CHD9: variants seen among roughly 807,000 people sequenced by gnomAD.
The protein encoded by CHD9 is ATP-dependent chromatin remodeler CHD9.
In CHD9, 77 loss-of-function variants were observed where a neutral mutation model predicts 316.1. The ratio of observed to expected loss-of-function variants is 0.24; its 90% confidence interval spans 0.20 to 0.29. The LOEUF (loss-of-function observed/expected upper bound fraction) is 0.29. Among genes scored for constraint, CHD9 ranks in the 10% least tolerant of loss-of-function variants. CHD9 has a pLI of 1.00. For synonymous variants in CHD9, 1,129 were observed against 1,158.3 expected (o/e 0.97, Z 0.51); for missense variants, 2,763 against 3,438.1 (o/e 0.80, Z 4.91).
chr16:53,156,506 T>G lies in CHD9; in HGVS notation c.417T>G (p.Ser139=). 1 of 1,613,980 alleles carries G rather than the reference T, an allele frequency of 6.2e-7. No individual in the cohort carries two copies. Among genetic ancestry groups the G allele is most frequent in the Non-Finnish European group, 8.5e-7 (1 of 1,179,888 alleles). Residue 139 remains serine (S), a synonymous_variant, in exon 2 of 39, where the codon TCT becomes TCG. Transcript: ENST00000447540. The part of the protein sequence containing the change: ...TATTISNQNG[S]PFHQQGHSHS... ...CTACCATTTCAAATCAAAATGGATC[T>G]CCTTTTCACCAACAAGGACATTCAC...
intron 12 of CHD9, 116 bp from the exon 13 acceptor site, chr16:53,242,724 A>G (rs2152951357): frequency 2.4e-6 from 2 of 824,326 alleles, no homozygotes; most frequent in South Asian, 1.6e-5. Context: ...GTGTCTGCAT[A>G]TGTAAAAATT....
rs1197403312 is a variant in CHD9 at position 53,325,027 on chromosome 16, A to G, written c.*132A>G. ...TTTCAGTTATTTGTTTAGAAGTGCA[A>G]ACTGCTTTCAGAGACTTTTTGCATG... On this transcript the variant is annotated 3_prime_UTR_variant, in exon 39 of 39. Transcript: ENST00000447540. 1.3e-6 allele frequency: 1 copy of G among 742,494 alleles called. No individual in the cohort carries two copies. Among genetic ancestry groups the G allele is most frequent in the Non-Finnish European group, 2.1e-6 (1 of 478,766 alleles). The allele number at this position is 742,494 out of a possible 1,614,324, so 46.0% of individuals were successfully genotyped here. A position where few individuals can be genotyped will look rare whatever the true frequency, so the allele number is the denominator to read the frequency against.
chr16:53,324,899 C>T lies in CHD9; in HGVS notation c.*4C>T, dbSNP rs970481539. 17 of 1,565,692 alleles carry T rather than the reference C, an allele frequency of 1.1e-5. No homozygotes were observed. The highest frequency in any genetic ancestry group is 1.0e-4 in the Admixed American group (5 of 49,194). ...AGATTCTAGTAATGAAGACTGATTC[C>T]CAGACTCTGCACTTAAAATATGAAC... On this transcript the variant is annotated 3_prime_UTR_variant, in exon 39 of 39. Transcript: ENST00000447540.
intron 3 of CHD9, among the ~76,000 whole-genome samples, chr16:53,217,110 TA>T (rs563554162): frequency 1.3e-3 from 200 of 152,318 alleles, no homozygotes; most frequent in African/African-American, 4.5e-3. Flanking sequence ...TTTGTTGTCA[TA>T]TCTCCTTAGT....
At chr16:53,150,719 CTTCA>C (rs1271972093) in intron 1 of CHD9, among the ~76,000 whole-genome samples, 1 of 152,112 alleles carries the variant, frequency 6.6e-6, no homozygotes, top group Non-Finnish European at 1.5e-5. Flanking sequence ...CTTAATTTCT[CTTCA>C]TTCTTAAAAA....
At chr16:53,181,189 T>A (rs905794136) in intron 2 of CHD9, among the ~76,000 whole-genome samples, 1 of 152,076 alleles carries the variant, frequency 6.6e-6, no homozygotes, top group African/African-American at 2.4e-5. Context: ...TTTTGTATTT[T>A]TAGTAGACAT....
chr16:53,127,632 C>A lies in CHD9; in HGVS notation c.-164-28294C>A, dbSNP rs529806894. On this transcript the variant is annotated intron_variant, in intron 1 of 38. Coordinates refer to ENST00000447540, the MANE Select transcript of CHD9 (RefSeq NM_001308319.2). ...TGTAAAATGGGGGCGGGGGGGAATCCCTTTCTCAACGGGCACAGTGGCTCA... is the reference window on the plus strand; with the variant it reads ...TGTAAAATGGGGGCGGGGGGGAATCACTTTCTCAACGGGCACAGTGGCTCA... 1.0e-3 allele frequency among the ~76,000 whole-genome samples: 158 copies of A among 152,040 alleles called. 1 individual carries two copies. The highest frequency in any genetic ancestry group is 1.5e-3 in the Non-Finnish European group (105 of 67,966).
intron 29 of CHD9, among the ~76,000 whole-genome samples, chr16:53,293,536 A>G (rs569138916): frequency 6.6e-6 from 1 of 152,128 alleles, no homozygotes; most frequent in South Asian, 2.1e-4. Context: ...GTATCACCTG[A>G]GCCCAGAAGG....
chr16:53,319,804 C>A, intron 37 of CHD9: 1 of 1,255,476 alleles, frequency 8.0e-7, no homozygotes, highest in South Asian at 1.3e-5. Flanking sequence ...TTGAGTCTCT[C>A]GGGTACAGGC....
intron 11 of CHD9, among the ~76,000 whole-genome samples, chr16:53,237,715 C>T (rs1166984181): frequency 6.6e-6 from 1 of 152,156 alleles, no homozygotes; most frequent in Middle Eastern, 3.2e-3. Flanking sequence ...ATAAACCATA[C>T]TGATGATTCT....
rs539040556 is a variant in CHD9, at chr16:53,185,900, A to C, written c.1453-23582A>C. Reference sequence around the variant, plus strand: ...AATTGAGGTTTGGGAACCTCTGCCTAGATTTTAGAAGATACATGGAAAGGC... The same window carrying C: ...AATTGAGGTTTGGGAACCTCTGCCTCGATTTTAGAAGATACATGGAAAGGC... On this transcript the variant is annotated intron_variant, in intron 2 of 38. Transcript: ENST00000447540. Among the ~76,000 whole-genome samples, 8 of 152,350 alleles carry C rather than the reference A, an allele frequency of 5.3e-5. No homozygotes were observed. The East Asian group carries it at 1.3e-3, about 26-fold the overall frequency.
chr16:53,208,489 G>GGTTATTTGTTAT, intron 2 of CHD9: 1 of 1,150,776 alleles, frequency 8.7e-7, no homozygotes, highest in Non-Finnish European at 1.1e-6. Flanking sequence ...CTGTTTCCTC[G>GGTTATTTGTTAT]AGTCTTGGTT....
At chr16:53,254,726 G>C in intron 18 of CHD9, 121 bp downstream of exon 18, 1 of 802,846 alleles carries the variant, frequency 1.2e-6, no homozygotes, top group Non-Finnish European at 1.9e-6. Context: ...TTTTCTGCAG[G>C]GGAACATTTT....
At chr16:53,068,167 A>G (rs868175256) in intron 1 of CHD9, among the ~76,000 whole-genome samples, 2 of 152,164 alleles carry the variant, frequency 1.3e-5, no homozygotes, top group Non-Finnish European at 2.9e-5. Flanking sequence ...CCTGAGCCTC[A>G]GTTTTCTCAG....
intron 11 of CHD9, 149 bp downstream of exon 11, chr16:53,235,455 G>A: frequency 1.8e-6 from 1 of 568,332 alleles, no homozygotes; most frequent in African/African-American, 1.9e-5. Context: ...TATGTAAATT[G>A]CAACTTAGGT....
At chr16:53,096,172 C>T (rs2036364320) in intron 1 of CHD9, among the ~76,000 whole-genome samples, 1 of 151,806 alleles carries the variant, frequency 6.6e-6, no homozygotes, top group Non-Finnish European at 1.5e-5. Flanking sequence ...ATCCTCCCAC[C>T]TCAGCCTCCC....
At chr16:53,252,786 CAT>C (rs1009711264) in intron 17 of CHD9, among the ~76,000 whole-genome samples, 14 of 150,356 alleles carry the variant, frequency 9.3e-5, no homozygotes, top group African/African-American at 2.9e-4. Context: ...GGCTGACAAA[CAT>C]GTGAAAAGAT....
rs760403835 is a variant in CHD9 at position 53,238,325 on chromosome 16, T to C, written c.2634-18T>C. The C allele has an allele frequency of 1.9e-6, 3 of 1,601,506 alleles. No individual in the cohort carries two copies. The highest frequency in any genetic ancestry group is 2.2e-5 in the South Asian group (2 of 89,938). ...AAAAACCCAATGTATGCATGGATAATGTATTTGTTTATTTCAGACGAAACT... is the reference window on the plus strand; with the variant it reads ...AAAAACCCAATGTATGCATGGATAACGTATTTGTTTATTTCAGACGAAACT... On this transcript the variant is annotated intron_variant, in intron 11 of 38. Coordinates refer to ENST00000447540, the MANE Select transcript of CHD9 (RefSeq NM_001308319.2).
rs1343860047 is a variant in CHD9 at position 53,267,450 on chromosome 16, A to G, written c.4477A>G (p.Thr1493Ala). 1 of 1,609,844 alleles carries G rather than the reference A, an allele frequency of 6.2e-7. No homozygotes were observed. Among genetic ancestry groups the G allele is most frequent in the Non-Finnish European group, 8.5e-7 (1 of 1,177,722 alleles). ...TGACCGTTCCAATGGCTATGGAAGAACTGAATGCTTTAGAGTTGAGAAAAA... is the reference window on the plus strand; with the variant it reads ...TGACCGTTCCAATGGCTATGGAAGAGCTGAATGCTTTAGAGTTGAGAAAAA... ...PCDRSNGYGR[T>A]ECFRVEKNLL... is the part of the protein sequence containing the mutation. The change falls in exon 21 of 39, where the codon ACT becomes GCT. Residue 1493 changes from threonine (T) to alanine (A), a missense_variant. Physicochemically the swap from Thr to Ala is moderately conservative, Grantham distance 58. Coordinates refer to ENST00000447540, the MANE Select transcript of CHD9 (RefSeq NM_001308319.2).
Sources: gnomAD v4.1 joint callset for allele counts (sites outside exome capture counted in the v4.1 genomes callset) on GRCh38, gnomAD v4.1.1 for gene constraint, MANE v1.5 for transcripts, NCBI Gene and HGNC (gene_info 2026-07-23, HGNC 2026-07-21) for gene names.